The following STK32B variants were observed in gnomAD, a reference collection of about 807,000 sequenced individuals.
STK32B encodes the protein serine/threonine kinase 32B.
Under a neutral mutation model 52.6 loss-of-function variants are expected in STK32B, and 43 were observed. The ratio of observed to expected loss-of-function variants is 0.82; its 90% CI spans 0.64 to 1.05. The LOEUF (loss-of-function observed/expected upper bound fraction) is 1.05, where lower values mean the gene tolerates loss of function less well. Among genes scored for constraint, STK32B ranks in the 50% least tolerant of loss-of-function variants. The pLI, the probability that STK32B is intolerant of heterozygous loss-of-function variation, is 0.00. For synonymous variants in STK32B, 238 were observed against 204.3 expected (o/e 1.17, Z -1.41); for missense variants, 621 against 534.6 (o/e 1.16, Z -1.59).
chr4:5,315,158 C>G (rs1473309518), intron 3 of STK32B, among the ~76,000 whole-genome samples: 1 of 152,006 alleles, frequency 6.6e-6, no homozygotes, highest in Non-Finnish European at 1.5e-5. Flanking sequence ...AAAAAATGAG[C>G]AAAAGACATG....
chr4:5,471,605 G>C (rs1000078686), intron 11 of STK32B, among the ~76,000 whole-genome samples: 3 of 152,130 alleles, frequency 2.0e-5, no homozygotes, highest in Admixed American at 6.5e-5. Context: ...CGGCCACCCA[G>C]AGAAACTAAT....
rs77533421 is a variant in STK32B at position 5,450,500 on chromosome 4, A to G, written c.666+3724A>G. On this transcript the variant is annotated intron_variant, in intron 7 of 11. Transcript: ENST00000282908. The stretch of plus-strand genomic sequence containing the variant: ...ATCTTTTTCACTCTTGAACAGCTGT[A>G]ATGGCTAGAAATTATTTTCCCCTTA... Among the ~76,000 whole-genome samples the G allele has an allele frequency of 4.7e-3, 710 of 152,286 alleles. 18 individuals carry two copies. In the East Asian group the frequency reaches 0.068, roughly 15 times the overall value.
At chr4:5,117,303 A>G (rs1460512969) in intron 1 of STK32B, among the ~76,000 whole-genome samples, 1 of 152,212 alleles carries the variant, frequency 6.6e-6, no homozygotes, top group African/African-American at 2.4e-5. Context: ...TATTATATTG[A>G]GAAGTATTCC....
At chr4:5,079,902 T>C (rs1179900621) in intron 1 of STK32B, among the ~76,000 whole-genome samples, 1 of 152,040 alleles carries the variant, frequency 6.6e-6, no homozygotes, top group Non-Finnish European at 1.5e-5. Context: ...ATATGTGATC[T>C]CTAAAAAAAG....
At chr4:5,116,798 G>A (rs1224463477) in intron 1 of STK32B, among the ~76,000 whole-genome samples, 1 of 152,072 alleles carries the variant, frequency 6.6e-6, no homozygotes, top group Non-Finnish European at 1.5e-5. Flanking sequence ...TCTTCCATTT[G>A]TTTGTGTTTT....
At chr4:5,446,349 T>G (rs1444290980) in intron 6 of STK32B, among the ~76,000 whole-genome samples, 3 of 152,162 alleles carry the variant, frequency 2.0e-5, no homozygotes, top group African/African-American at 7.2e-5. Flanking sequence ...GCAGATCACC[T>G]GAGGCCAAGA....
chr4:5,370,694 A>T (rs1033386160), intron 4 of STK32B, among the ~76,000 whole-genome samples: 6 of 152,204 alleles, frequency 3.9e-5, no homozygotes, highest in African/African-American at 1.4e-4. Flanking sequence ...AAAATTGTTT[A>T]AAAAAATTAT....
At chr4:5,189,436 A>C (rs1218286655) in intron 3 of STK32B, among the ~76,000 whole-genome samples, 1 of 152,112 alleles carries the variant, frequency 6.6e-6, no homozygotes, top group Non-Finnish European at 1.5e-5. Context: ...GGCTTCTTTC[A>C]CTTAGCAATA....
intron 6 of STK32B, among the ~76,000 whole-genome samples, chr4:5,433,162 G>C (rs1045795424): frequency 6.6e-6 from 1 of 152,212 alleles, no homozygotes; most frequent in Non-Finnish European, 1.5e-5. Flanking sequence ...AAAAGGACCA[G>C]AGTAGAGGAT....
rs1373132961 is a variant in STK32B, at chr4:5,317,275, A to G, written c.261-13945A>G. On this transcript the variant is annotated intron_variant, in intron 3 of 11. Transcript: ENST00000282908. The stretch of plus-strand genomic sequence containing the variant: ...ATAACATATAACATATATATAATAT[A>G]TAACATATAACATATATATAATATA... Among the ~76,000 whole-genome samples, 13 of 48,658 alleles carry G rather than the reference A, an allele frequency of 2.7e-4. 1 individual carries two copies. Among genetic ancestry groups the G allele is most frequent in the Non-Finnish European group, 3.7e-4 (12 of 32,598 alleles). The allele number at this position is 48,658 out of a possible 152,430, so 31.9% of individuals were successfully genotyped here.
At chr4:5,215,410 G>A (rs1723126021) in intron 3 of STK32B, among the ~76,000 whole-genome samples, 1 of 152,106 alleles carries the variant, frequency 6.6e-6, no homozygotes, top group Admixed American at 6.5e-5. Flanking sequence ...GCCTCCAAAT[G>A]AACCTATTCA....
chr4:5,129,522 C>T (rs938012112), intron 1 of STK32B, among the ~76,000 whole-genome samples: 1 of 152,174 alleles, frequency 6.6e-6, no homozygotes, highest in Non-Finnish European at 1.5e-5. Flanking sequence ...AAACTTTTCT[C>T]TTCAAAACTT....
At chr4:5,478,209 G>A (rs1718387025) in intron 11 of STK32B, among the ~76,000 whole-genome samples, 1 of 152,172 alleles carries the variant, frequency 6.6e-6, no homozygotes, top group African/African-American at 2.4e-5. Flanking sequence ...TATTAAATGA[G>A]AAGTTGTGGA....
intron 3 of STK32B, among the ~76,000 whole-genome samples, chr4:5,237,482 A>G (rs888610326): frequency 6.6e-6 from 1 of 152,230 alleles, no homozygotes; most frequent in Non-Finnish European, 1.5e-5. Context: ...AGCTTCTTCA[A>G]TGAGGTCTCC....
At chr4:5,211,048 G>A (rs549463266) in intron 3 of STK32B, among the ~76,000 whole-genome samples, 1 of 152,184 alleles carries the variant, frequency 6.6e-6, no homozygotes, top group South Asian at 2.1e-4. Flanking sequence ...TCCCACTTTA[G>A]CCTCCTAAAG....
At chr4:5,358,869 G>C (rs1734353832) in intron 4 of STK32B, among the ~76,000 whole-genome samples, 1 of 152,194 alleles carries the variant, frequency 6.6e-6, no homozygotes, top group Non-Finnish European at 1.5e-5. Flanking sequence ...AGTGCTCTGA[G>C]ACTTCTAAGG....
intron 2 of STK32B, among the ~76,000 whole-genome samples, chr4:5,147,072 G>C (rs1296484775): frequency 6.6e-6 from 1 of 151,952 alleles, no homozygotes; most frequent in Non-Finnish European, 1.5e-5. Flanking sequence ...ATTTTTATTA[G>C]GTATTTAAAA....
intron 1 of STK32B, 145 bp from the exon 2 acceptor site, chr4:5,139,760 A>T: frequency 3.8e-6 from 3 of 782,546 alleles, no homozygotes; most frequent in Non-Finnish European, 6.4e-6. Context: ...CCTGTGGATA[A>T]GGGTGGACGG....
chr4:5,259,676 C>G (rs1167031819), intron 3 of STK32B, among the ~76,000 whole-genome samples: 3 of 152,158 alleles, frequency 2.0e-5, no homozygotes, highest in African/African-American at 7.2e-5. Flanking sequence ...TGTTTCCTTC[C>G]TCATTCTTTC....
Sources: allele counts gnomAD v4.1 joint callset (sites outside exome capture counted in the v4.1 genomes callset), GRCh38; gene constraint gnomAD v4.1.1; transcripts MANE v1.5; gene names NCBI Gene and HGNC (gene_info 2026-07-23, HGNC 2026-07-21).